The following COL5A2 variants were observed in gnomAD, a reference collection of about 807,000 sequenced individuals.
COL5A2 encodes collagen alpha-2(V) chain.
COL5A2 carries 23 observed loss-of-function variants against 208.2 expected under a neutral mutation model. That is an observed-to-expected ratio of 0.11 (90% CI 0.08 to 0.16). COL5A2 has a LOEUF of 0.16. COL5A2 is among the 10% of genes least tolerant of loss of function. The pLI, the probability that COL5A2 is intolerant of heterozygous loss-of-function variation, is 1.00. For missense variants in COL5A2, 1,590 were observed against 1,956.4 expected, an observed-to-expected ratio of 0.81 and a Z score of 3.53; for synonymous variants, 625 against 628.5, an observed-to-expected ratio of 0.99 and a Z score of 0.08.
In COL5A2 at chr2:189,072,765, CAAAAA is replaced by C. The variant is rs58636533; in HGVS notation, c.1105-677_1105-673del. On this transcript the variant is annotated intron_variant, in intron 17 of 53. Transcript: ENST00000374866. ...CCAACCTGCAGTCAGACTCCATCTC[CAAAAA>C]AAAAAAAAAAAAAAAACCATCTGGA... 2.5e-4 allele frequency among the ~76,000 whole-genome samples: 17 copies of C among 67,530 alleles called. 1 individual carries two copies. The highest frequency in any genetic ancestry group is 6.4e-4 in the South Asian group (1 of 1,568). The allele number at this position is 67,530 out of a possible 152,430, so 44.3% of individuals were successfully genotyped here.
the COL5A2 span, among the ~76,000 whole-genome samples, chr2:189,271,950 C>T: frequency 6.6e-6 from 1 of 152,094 alleles, no homozygotes; most frequent in Non-Finnish European, 1.5e-5. Flanking sequence ...CAAATCAAAA[C>T]CACAATGAGA....
intron 39 of COL5A2, 47 bp from the exon 40 acceptor site, chr2:189,052,849 T>G: frequency 1.2e-6 from 2 of 1,611,974 alleles, no homozygotes; most frequent in Non-Finnish European, 1.7e-6. Context: ...CAAAAGAGGC[T>G]GAATGTACAC....
chr2:189,200,866 A>G (rs60124911), intron 1 of COL5A2, among the ~76,000 whole-genome samples: 87,968 of 151,810 alleles, frequency 0.58, 26,792 homozygotes, highest in East Asian at 0.72. Context: ...TTCTTTCCCC[A>G]GCAAGCTATC....
chr2:189,395,639 C>G, the COL5A2 span, among the ~76,000 whole-genome samples: 1 of 151,958 alleles, frequency 6.6e-6, no homozygotes, highest in Non-Finnish European at 1.5e-5. Flanking sequence ...CATGGTGGCT[C>G]ACACCTGTAA....
chr2:189,217,192 A>G (rs964908496), intron 1 of COL5A2, among the ~76,000 whole-genome samples: 1 of 152,196 alleles, frequency 6.6e-6, no homozygotes, highest in Non-Finnish European at 1.5e-5. Context: ...AGGCATCAGC[A>G]TCTTGTTATC....
intron 8 of COL5A2, 124 bp from the exon 9 acceptor site, chr2:189,086,894 T>G (rs1686675320): frequency 2.5e-6 from 2 of 787,496 alleles, no homozygotes; most frequent in Non-Finnish European, 2.2e-6. Context: ...GATGATGACA[T>G]TCTCCATCTG....
chr2:189,310,271 G>T, the COL5A2 span, among the ~76,000 whole-genome samples: 18 of 152,096 alleles, frequency 1.2e-4, no homozygotes, highest in Admixed American at 2.6e-4. Context: ...TTGAATAGAT[G>T]TTTCTCAAAA....
the COL5A2 span, among the ~76,000 whole-genome samples, chr2:189,292,754 G>C: frequency 6.6e-6 from 1 of 152,096 alleles, no homozygotes; most frequent in Non-Finnish European, 1.5e-5. Flanking sequence ...CTATTACTGG[G>C]TATATACCCA....
chr2:189,280,103 T>A, the COL5A2 span, among the ~76,000 whole-genome samples: 1 of 152,292 alleles, frequency 6.6e-6, no homozygotes, highest in African/African-American at 2.4e-5. Flanking sequence ...TTTGGTTCCA[T>A]GCTCTTGTAC....
intron 1 of COL5A2, among the ~76,000 whole-genome samples, chr2:189,203,290 G>T (rs906116367): frequency 6.6e-6 from 1 of 152,126 alleles, no homozygotes; most frequent in African/African-American, 2.4e-5. Flanking sequence ...CCAAACACCA[G>T]AACTCTAACT....
intron 1 of COL5A2, among the ~76,000 whole-genome samples, chr2:189,173,828 T>G (rs1483528021): frequency 6.6e-6 from 1 of 152,236 alleles, no homozygotes; most frequent in African/African-American, 2.4e-5. Context: ...AAGATTTGTC[T>G]TATATAAACT....
the COL5A2 span, among the ~76,000 whole-genome samples, chr2:189,404,468 C>T: frequency 6.6e-6 from 1 of 152,170 alleles, no homozygotes; most frequent in Non-Finnish European, 1.5e-5. Context: ...TCCCAACTTC[C>T]TTATTCTCAG....
the COL5A2 span, among the ~76,000 whole-genome samples, chr2:189,427,625 G>C: frequency 6.6e-6 from 1 of 152,224 alleles, no homozygotes; most frequent in African/African-American, 2.4e-5. Flanking sequence ...AGCAGCCAGA[G>C]TGGGTGAACC....
Position 189,035,039 on chromosome 2 carries a change from T to C in COL5A2, c.4230A>G (p.Gly1410=). The change falls in exon 53 of 54, where the codon GGA becomes GGG. Residue 1410 remains glycine (G), a synonymous_variant. Transcript: ENST00000374866. ...GGTTCTTAGCTTGATCGTCCATGTA[T>C]CCTACACTGTTTTTACAGATGTAAG... is the stretch of plus-strand genomic sequence containing the variant. ...NITYICKNSV[G]YMDDQAKNLK... 6.2e-7 allele frequency: 1 copy of C among 1,613,926 alleles called. No individual in the cohort carries two copies. The highest frequency in any genetic ancestry group is 8.5e-7 in the Non-Finnish European group (1 of 1,179,896).
At chr2:189,393,651 T>C in the COL5A2 span, among the ~76,000 whole-genome samples, 26 of 152,180 alleles carry the variant, frequency 1.7e-4, no homozygotes, top group Non-Finnish European at 3.1e-4. Flanking sequence ...GACTCAACTC[T>C]TTCCCAATTT....
chr2:189,098,035 T>TCCCC (rs770630921), intron 5 of COL5A2, among the ~76,000 whole-genome samples: 12,075 of 150,714 alleles, frequency 0.08, 543 homozygotes, highest in South Asian at 0.15. Context: ...AAAATGTTTT[T>TCCCC]CCCCCCCTGG....
chr2:189,189,772 C>T (rs752911990), intron 1 of COL5A2, among the ~76,000 whole-genome samples: 4 of 151,990 alleles, frequency 2.6e-5, no homozygotes, highest in African/African-American at 7.2e-5. Flanking sequence ...ATAACAAATA[C>T]GCATTAAGAA....
chr2:189,179,615 T>G lies in COL5A2; in HGVS notation c.-11A>C. The stretch of plus-strand genomic sequence containing the variant: ...CCAGTTTGCCATCATGTCTAAATAT[T>G]AGACATGTGGGTTCTCCTGAGAGTG... On this transcript the variant is annotated 5_prime_UTR_variant, in exon 1 of 54. Transcript: ENST00000374866. 1 of 1,597,378 alleles carries G rather than the reference T, an allele frequency of 6.3e-7. No individual in the cohort carries two copies. Among genetic ancestry groups the G allele is most frequent in the Non-Finnish European group, 8.6e-7 (1 of 1,169,526 alleles).
At chr2:189,293,780 C>T in the COL5A2 span, among the ~76,000 whole-genome samples, 1 of 152,084 alleles carries the variant, frequency 6.6e-6, no homozygotes, top group Non-Finnish European at 1.5e-5. Context: ...AACTAAATTT[C>T]TATTGATTAA....
Sources: allele counts gnomAD v4.1 joint callset (sites outside exome capture counted in the v4.1 genomes callset), GRCh38; gene constraint gnomAD v4.1.1; transcripts MANE v1.5; gene names NCBI Gene and HGNC (gene_info 2026-07-23, HGNC 2026-07-21).